ABHD12B: variants seen among roughly 807,000 people sequenced by gnomAD.
ABHD12B encodes the protein abhydrolase domain containing 12B.
A neutral mutation model predicts 50.4 loss-of-function variants in ABHD12B; 42 were observed. The ratio of observed to expected loss-of-function variants is 0.83; its 90% CI spans 0.65 to 1.08. The LOEUF is 1.08. Ranked by LOEUF, ABHD12B falls within the 50% of genes least tolerant of loss-of-function variation. The pLI is 0.00. For missense variants in ABHD12B, 479 were observed against 447.7 expected (o/e 1.07, Z -0.63); for synonymous variants, 167 against 160.3 (o/e 1.04, Z -0.32).
At position 50,885,599 on chromosome 14, in the gene ABHD12B, T is replaced by C. The variant is rs2142740626; in HGVS notation, c.487-15T>C. 6.2e-7 allele frequency: 1 copy of C among 1,614,098 alleles called. No homozygotes were observed. Among genetic ancestry groups the C allele is most frequent in the Non-Finnish European group, 8.5e-7 (1 of 1,179,938 alleles). On this transcript the variant is annotated splice_polypyrimidine_tract_variant and intron_variant, in intron 5 of 12. Coordinates refer to ENST00000337334, the MANE Select transcript of ABHD12B (RefSeq NM_001206673.2). ...ATCTTCTAATTAAAGTGATAACAGC[T>C]CCTTTGTTACCTAGGTGCTGAGTGA...
intron 3 of ABHD12B, among the ~76,000 whole-genome samples, chr14:50,879,750 A>G (rs1342426759): frequency 6.6e-5 from 10 of 152,204 alleles, no homozygotes; most frequent in South Asian, 4.1e-4. Context: ...TGAGTCAGCT[A>G]TCTCATCAAG....
chr14:50,898,963 C>T (rs113016516), intron 9 of ABHD12B, among the ~76,000 whole-genome samples: 42 of 152,242 alleles, frequency 2.8e-4, no homozygotes, highest in African/African-American at 9.4e-4. Context: ...GAGGCCGAGA[C>T]GGGTGGATCA....
At chr14:50,882,812 A>G (rs1322479370) in intron 5 of ABHD12B, among the ~76,000 whole-genome samples, 1 of 151,976 alleles carries the variant, frequency 6.6e-6, no homozygotes, top group East Asian at 1.9e-4. Flanking sequence ...CTCTACAAAT[A>G]ATTTTAAAAT....
At chr14:50,900,220 AGACT>A (rs2050247558) in intron 9 of ABHD12B, among the ~76,000 whole-genome samples, 1 of 152,248 alleles carries the variant, frequency 6.6e-6, no homozygotes, top group Non-Finnish European at 1.5e-5. Flanking sequence ...TCTAGGCAAC[AGACT>A]GAGACCCTGT....
chr14:50,872,190 T>C lies in ABHD12B; in HGVS notation c.16T>C (p.Cys6Arg). The C allele has an allele frequency of 3.7e-6, 5 of 1,361,574 alleles. No homozygotes were observed. The highest frequency in any genetic ancestry group is 3.8e-6 in the Non-Finnish European group (4 of 1,054,854). 84.3% of individuals were successfully genotyped at this position (1,361,574 alleles called of 1,614,324 possible). A position where few individuals can be genotyped will look rare whatever the true frequency, so the allele number is the denominator to read the frequency against. ...ACGGCGCGGGATGGACGCGCAGGAC[T>C]GCCAGGCGGCCGCATCGCCCGAGCC... MDAQD[C>R]QAAASPEPPG... The change falls in exon 1 of 13, where the codon TGC becomes CGC. Residue 6 changes from cysteine to arginine, a missense_variant. Physicochemically the swap from Cys to Arg is radical, Grantham distance 180. Transcript: ENST00000337334.
chr14:50,885,639 T>C lies in ABHD12B; in HGVS notation c.512T>C (p.Val171Ala), dbSNP rs770647941. ...VKVLSDGGFHVLSVDYRGFGD... is the reference protein window; with the variant it reads ...VKVLSDGGFHALSVDYRGFGD... ...GTGCTGAGTGATGGTGGCTTTCATG[T>C]CTTGTCTGTTGACTACAGAGGTATG... is the stretch of plus-strand genomic sequence containing the variant. The change falls in exon 6 of 13, where the codon GTC becomes GCC. Residue 171 changes from valine (V) to alanine (A), a missense_variant. Coordinates refer to ENST00000337334, the MANE Select transcript of ABHD12B (RefSeq NM_001206673.2). The C allele has an allele frequency of 1.2e-6, 2 of 1,614,180 alleles. No individual in the cohort carries two copies. The highest frequency in any genetic ancestry group is 1.7e-6 in the Non-Finnish European group (2 of 1,180,028).
chr14:50,896,052 C>G (rs900925483), intron 9 of ABHD12B, among the ~76,000 whole-genome samples: 15 of 152,094 alleles, frequency 9.9e-5, no homozygotes, highest in Admixed American at 2.6e-4. Flanking sequence ...TCTTGTATCC[C>G]CCGACCTTAA....
rs1200695563 is a variant in ABHD12B at position 50,903,446 on chromosome 14, G to A, written c.921G>A (p.Val307=). Residue 307 remains valine, a synonymous_variant, in exon 11 of 13, where the codon GTG becomes GTA. Coordinates refer to ENST00000337334, the MANE Select transcript of ABHD12B (RefSeq NM_001206673.2). ...LILHGEDDRT[V]PLEYGKKLYE... ...TACATGGAGAGGATGACAGGACAGT[G>A]CCTTTGGAGTATGGGAAAAAGGTAA... The A allele has an allele frequency of 1.9e-6, 3 of 1,612,534 alleles. No individual in the cohort carries two copies. The highest frequency in any genetic ancestry group is 2.5e-6 in the Non-Finnish European group (3 of 1,178,978).
At chr14:50,882,138 G>A (rs2049961182) in intron 5 of ABHD12B, among the ~76,000 whole-genome samples, 1 of 151,364 alleles carries the variant, frequency 6.6e-6, no homozygotes, top group Non-Finnish European at 1.5e-5. Context: ...GTTTCACCAT[G>A]TTGGCCAGGC....
chr14:50,897,069 T>A (rs181874431), intron 9 of ABHD12B, among the ~76,000 whole-genome samples: 1 of 142,218 alleles, frequency 7.0e-6, no homozygotes, highest in African/African-American at 2.7e-5. Context: ...TGATTTAGTT[T>A]AGTTTTTTTT....
At position 50,872,293 on chromosome 14, in the gene ABHD12B, G is replaced by A. The variant is rs2049796440; in HGVS notation, c.104+15G>A. On this transcript the variant is annotated intron_variant, in intron 1 of 12. Coordinates refer to ENST00000337334, the MANE Select transcript of ABHD12B (RefSeq NM_001206673.2). ...CGCAACCTGCGGTGAGTACCGCCCG[G>A]TCCACCCCTGGCCGGGCCCCGACGG... 2 of 1,292,980 alleles carry A rather than the reference G, an allele frequency of 1.5e-6. No individual in the cohort carries two copies. The highest frequency in any genetic ancestry group is 1.5e-5 in the African/African-American group (1 of 65,048). The allele number at this position is 1,292,980 out of a possible 1,614,324, so 80.1% of individuals were successfully genotyped here.
At chr14:50,896,504 C>T (rs2050200662) in intron 9 of ABHD12B, among the ~76,000 whole-genome samples, 1 of 152,050 alleles carries the variant, frequency 6.6e-6, no homozygotes, top group Admixed American at 6.6e-5. Flanking sequence ...AGGCCCTGCC[C>T]TGCCTTAACT....
At chr14:50,896,818 A>C (rs1341304506) in intron 9 of ABHD12B, among the ~76,000 whole-genome samples, 3 of 152,204 alleles carry the variant, frequency 2.0e-5, no homozygotes, top group African/African-American at 7.2e-5. Flanking sequence ...ACCCAGGTGA[A>C]ATAAACAGCC....
intron 9 of ABHD12B, among the ~76,000 whole-genome samples, chr14:50,899,928 A>T (rs1017138967): frequency 6.6e-6 from 1 of 151,936 alleles, no homozygotes; most frequent in African/African-American, 2.4e-5. Context: ...TCTAAAAAAA[A>T]AAAAAAGAAA....
Position 50,878,016 on chromosome 14 carries a change from A to G in ABHD12B, c.169A>G (p.Ser57Gly), listed in dbSNP as rs983979280. The G allele has an allele frequency of 2.0e-6, 3 of 1,535,236 alleles. No individual in the cohort carries two copies. The highest frequency in any genetic ancestry group is 1.4e-5 in the African/African-American group (1 of 73,124). ...KIAALYDSFT[S>G]KSLKEHVFLP... ...TGCTGCTCTGTATGACAGCTTTACT[A>G]GTAAATCCTTAAAAGAACACGTTTT... The change falls in exon 2 of 13, where the codon AGT becomes GGT. Residue 57 changes from serine (S) to glycine (G), a missense_variant. Ser to Gly is a moderately conservative substitution (Grantham distance 56). Coordinates refer to ENST00000337334, the MANE Select transcript of ABHD12B (RefSeq NM_001206673.2).
chr14:50,874,893 G>GT (rs1406712678), intron 1 of ABHD12B, among the ~76,000 whole-genome samples: 2 of 152,146 alleles, frequency 1.3e-5, no homozygotes, highest in African/African-American at 4.8e-5. Flanking sequence ...GCAATTGTAA[G>GT]TAAAAAAAAG....
At position 50,886,847 on chromosome 14, in the gene ABHD12B, A is replaced by G. The variant is rs547068199; in HGVS notation, c.700+163A>G. Among the ~76,000 whole-genome samples, 4 of 152,284 alleles carry G rather than the reference A, an allele frequency of 2.6e-5. No individual in the cohort carries two copies. In the South Asian group the frequency reaches 8.3e-4, roughly 32 times the overall value. ...AGGCTTTCTTTTTGATCTCCCTTTA[A>G]TATAAAACAAGAGCTGTTTTTTCAG... On this transcript the variant is annotated intron_variant, in intron 8 of 12. Transcript: ENST00000337334.
rs2050099026 is a variant in ABHD12B at position 50,890,168 on chromosome 14, A to G, written c.780+1265A>G. Among the ~76,000 whole-genome samples the G allele has an allele frequency of 2.0e-5, 3 of 152,324 alleles. No homozygotes were observed. In the South Asian group the frequency reaches 6.2e-4, roughly 32 times the overall value. ...TAACCATTAATTGCATATCTATCAT[A>G]TTACTCTAAGTCATTACTAATAAAT... On this transcript the variant is annotated intron_variant, in intron 9 of 12. Coordinates refer to ENST00000337334, the MANE Select transcript of ABHD12B (RefSeq NM_001206673.2).
chr14:50,884,654 T>G (rs1053268610), intron 5 of ABHD12B, among the ~76,000 whole-genome samples: 4 of 151,954 alleles, frequency 2.6e-5, no homozygotes, highest in Non-Finnish European at 5.9e-5. Flanking sequence ...CACAGTAAAA[T>G]TTTGTCCTTT....
Sources: allele counts gnomAD v4.1 joint callset (sites outside exome capture counted in the v4.1 genomes callset), GRCh38; gene constraint gnomAD v4.1.1; transcripts MANE v1.5; gene names NCBI Gene and HGNC (gene_info 2026-07-23, HGNC 2026-07-21).